DDX50: variants seen among roughly 807,000 people sequenced by gnomAD.
The protein encoded by DDX50 is ATP-dependent RNA helicase DDX50.
A neutral mutation model predicts 94.8 loss-of-function variants in DDX50; 56 were observed. That is an observed-to-expected ratio of 0.59 (90% CI 0.48 to 0.74). DDX50 has a LOEUF of 0.74. Among genes scored for constraint, DDX50 ranks in the 30% least tolerant of loss-of-function variants. The pLI is 0.00. For synonymous variants in DDX50, 264 were observed against 295.4 expected (o/e 0.89, Z 1.09); for missense variants, 713 against 881.2 (o/e 0.81, Z 2.42).
At chr10:68,936,866 T>A in intron 11 of DDX50, 70 bp from the exon 12 acceptor site, 1 of 1,462,872 alleles carries the variant, frequency 6.8e-7, no homozygotes, top group Non-Finnish European at 9.2e-7. Context: ...CTCCTTCTTT[T>A]TCCCATTTTT....
At chr10:68,918,176 G>A (rs903206607) in intron 7 of DDX50, among the ~76,000 whole-genome samples, 5 of 151,920 alleles carry the variant, frequency 3.3e-5, no homozygotes, top group South Asian at 2.1e-4. Context: ...CACCCGTCTC[G>A]GCCTCCCAAA....
At chr10:68,920,930 A>G (rs1178837309) in intron 8 of DDX50, among the ~76,000 whole-genome samples, 2 of 140,192 alleles carry the variant, frequency 1.4e-5, no homozygotes, top group Non-Finnish European at 3.1e-5. Context: ...CCTGGATGAC[A>G]GAGTGAGACT....
At chr10:68,920,406 C>T (rs534359957) in intron 8 of DDX50, among the ~76,000 whole-genome samples, 8 of 152,162 alleles carry the variant, frequency 5.3e-5, no homozygotes, top group South Asian at 4.2e-4. Flanking sequence ...CAAGCAATTC[C>T]GCCCTCCCCT....
In DDX50 at chr10:68,935,990, ACT is replaced by A. The variant is rs761508962; in HGVS notation, c.1522-13_1522-12del. ...AAGACTTCCATTTTTCTTTAATGTA[ACT>A]CTTTCATTTTCAGGGAATTACTTTT... On this transcript the variant is annotated splice_polypyrimidine_tract_variant and intron_variant, in intron 10 of 14. Coordinates refer to ENST00000373585, the MANE Select transcript of DDX50 (RefSeq NM_024045.2). 2 of 1,560,536 alleles carry A rather than the reference ACT, an allele frequency of 1.3e-6. No homozygotes were observed. Among genetic ancestry groups the A allele is most frequent in the South Asian group, 1.2e-5 (1 of 85,592 alleles).
At chr10:68,924,172 A>G (rs543694490) in intron 8 of DDX50, among the ~76,000 whole-genome samples, 1 of 151,854 alleles carries the variant, frequency 6.6e-6, no homozygotes, top group Non-Finnish European at 1.5e-5. Context: ...GGGTTTCACC[A>G]TGTTGGGCAG....
In DDX50 at chr10:68,934,771, A is replaced by G. The variant is rs534152345; in HGVS notation, c.1402-28A>G. The G allele has an allele frequency of 1.9e-6, 3 of 1,565,224 alleles. No individual in the cohort carries two copies. Among genetic ancestry groups the G allele is most frequent in the Non-Finnish European group, 2.6e-6 (3 of 1,164,324 alleles). ...AATGACTGCAACTTGCTAGATTTTTAAAAAATATTACCTTTTATAATCTTT... is the reference window on the plus strand; with the variant it reads ...AATGACTGCAACTTGCTAGATTTTTGAAAAATATTACCTTTTATAATCTTT... On this transcript the variant is annotated intron_variant, in intron 9 of 14. Transcript: ENST00000373585. This position sits in a 1 kb window ranked among gnomAD's most constrained non-coding sequence, Gnocchi z 4.0.
At chr10:68,925,888 C>G (rs1021038981) in intron 8 of DDX50, among the ~76,000 whole-genome samples, 2 of 151,468 alleles carry the variant, frequency 1.3e-5, no homozygotes, top group Non-Finnish European at 1.5e-5. Flanking sequence ...GTGATGCACA[C>G]CTGTAGTCCC....
chr10:68,908,366 G>C (rs532166670), intron 2 of DDX50, among the ~76,000 whole-genome samples: 1 of 146,840 alleles, frequency 6.8e-6, no homozygotes, highest in Non-Finnish European at 1.5e-5. Context: ...CAGGAGAATC[G>C]CTTGAACCTG....
chr10:68,943,571 C>T (rs1330226672), intron 14 of DDX50, among the ~76,000 whole-genome samples: 1 of 151,942 alleles, frequency 6.6e-6, no homozygotes, highest in African/African-American at 2.4e-5. Context: ...CTAACATGAG[C>T]CACCATGCCC....
chr10:68,919,658 G>A (rs1344275968), intron 7 of DDX50, among the ~76,000 whole-genome samples, 174 bp from the exon 8 acceptor site: 4 of 151,926 alleles, frequency 2.6e-5, no homozygotes, highest in South Asian at 2.1e-4. Flanking sequence ...TTATTCTTTC[G>A]TCAGTTTATT....
At chr10:68,903,113 C>T (rs550186432) in intron 1 of DDX50, among the ~76,000 whole-genome samples, 2 of 152,308 alleles carry the variant, frequency 1.3e-5, no homozygotes, top group South Asian at 2.1e-4. Flanking sequence ...CATTAGAATA[C>T]AGGTCTGGTG....
intron 1 of DDX50, among the ~76,000 whole-genome samples, chr10:68,903,315 T>G (rs935472065): frequency 5.3e-5 from 8 of 151,834 alleles, no homozygotes; most frequent in African/African-American, 1.9e-4. Flanking sequence ...GCAGATCACC[T>G]GAGGTCAGGA....
intron 3 of DDX50, 77 bp downstream of exon 3, chr10:68,910,459 G>A (rs1036184957): frequency 1.6e-6 from 2 of 1,236,004 alleles, no homozygotes; most frequent in Middle Eastern, 2.8e-4. Flanking sequence ...CTGGAGTGCA[G>A]TGGGGCAGTC....
At chr10:68,924,374 T>A (rs1842022805) in intron 8 of DDX50, among the ~76,000 whole-genome samples, 1 of 152,184 alleles carries the variant, frequency 6.6e-6, no homozygotes, top group Admixed American at 6.6e-5. Flanking sequence ...CTCTAACTCC[T>A]GGCCTTAAGG....
At chr10:68,921,318 A>G (rs1467478327) in intron 8 of DDX50, among the ~76,000 whole-genome samples, 1 of 152,128 alleles carries the variant, frequency 6.6e-6, no homozygotes, top group Non-Finnish European at 1.5e-5. Flanking sequence ...GAGTCCAAAT[A>G]AGGTTTTTAC....
intron 11 of DDX50, 77 bp from the exon 12 acceptor site, chr10:68,936,859 C>T: frequency 7.0e-7 from 1 of 1,431,366 alleles, no homozygotes; most frequent in Non-Finnish European, 9.4e-7. Flanking sequence ...AAAATTACTC[C>T]TTCTTTTTCC....
intron 8 of DDX50, among the ~76,000 whole-genome samples, chr10:68,924,040 C>T (rs1309296297): frequency 7.1e-6 from 1 of 140,728 alleles, no homozygotes; most frequent in Admixed American, 7.8e-5. Context: ...ACCTCTGCCT[C>T]CCAGGTTCAA....
chr10:68,906,884 A>G lies in DDX50; in HGVS notation c.261A>G (p.Lys87=). The change falls in exon 2 of 15, where the codon AAA becomes AAG. Residue 87 remains lysine (K), a synonymous_variant. Transcript: ENST00000373585. ...GFNRLSDEFS[K]SHKSRRKDLP... Reference sequence around the variant, plus strand: ...ATAGACTTTCAGATGAATTCTCCAAATCTCATAAGTCAAGAAGAAAAGATC... The same window carrying G: ...ATAGACTTTCAGATGAATTCTCCAAGTCTCATAAGTCAAGAAGAAAAGATC... 2 of 1,611,474 alleles carry G rather than the reference A, an allele frequency of 1.2e-6. No homozygotes were observed. Among genetic ancestry groups the G allele is most frequent in the Non-Finnish European group, 1.7e-6 (2 of 1,179,514 alleles).
chr10:68,918,755 CAA>C (rs1841870072), intron 7 of DDX50, among the ~76,000 whole-genome samples: 2 of 152,160 alleles, frequency 1.3e-5, no homozygotes, highest in African/African-American at 4.8e-5. Context: ...TATCCGCTGT[CAA>C]CCACTAGTCT....
Sources: allele counts gnomAD v4.1 joint callset (sites outside exome capture counted in the v4.1 genomes callset), GRCh38; gene constraint gnomAD v4.1.1; non-coding constraint Gnocchi (gnomAD v3.1); transcripts MANE v1.5; gene names NCBI Gene and HGNC (gene_info 2026-07-23, HGNC 2026-07-21).